PCDHA12: variants seen among roughly 807,000 people sequenced by gnomAD.
The protein encoded by PCDHA12 is protocadherin alpha-12.
Under a neutral mutation model 60.0 loss-of-function variants are expected in PCDHA12, and 44 were observed. The ratio of observed to expected loss-of-function variants is 0.73; its 90% CI spans 0.58 to 0.94. The LOEUF (loss-of-function observed/expected upper bound fraction) is 0.94. Ranked by LOEUF, PCDHA12 falls within the 40% of genes least tolerant of loss-of-function variation. The pLI, the probability that PCDHA12 is intolerant of heterozygous loss-of-function variation, is 0.00. For synonymous variants in PCDHA12, 569 were observed against 553.0 expected, an observed-to-expected ratio of 1.03 and a Z score of -0.40; for missense variants, 1,276 against 1,239.7, an observed-to-expected ratio of 1.03 and a Z score of -0.44.
intron 1 of PCDHA12, among the ~76,000 whole-genome samples, chr5:140,962,736 C>T (rs1233355346): frequency 2.0e-5 from 3 of 152,136 alleles, no homozygotes; most frequent in Non-Finnish European, 4.4e-5. Flanking sequence ...TCTGGGGATG[C>T]ATGAAGATCA....
chr5:140,923,206 A>G (rs2081227659), intron 1 of PCDHA12, among the ~76,000 whole-genome samples: 1 of 152,172 alleles, frequency 6.6e-6, no homozygotes, highest in South Asian at 2.1e-4. Flanking sequence ...TTGGGAGGCT[A>G]AGGTGAAAGG....
chr5:140,967,147 C>A (rs782815903), intron 1 of PCDHA12: 7 of 1,611,068 alleles, frequency 4.3e-6, no homozygotes, highest in South Asian at 2.2e-5. Flanking sequence ...TGGCGCACAA[C>A]CCCGTGGCGG....
Position 140,927,871 on chromosome 5 carries a change from C to T in PCDHA12, c.2367+50032C>T, listed in dbSNP as rs376396178. The T allele has an allele frequency of 5.6e-6, 9 of 1,614,048 alleles. No individual in the cohort carries two copies. In the African/African-American group the frequency reaches 1.2e-4, roughly 22 times the overall value. ...TGGTTTAGCTAGCACCGCTAAACTG[C>T]TGGTGGAGGTGACTGACGTGAACGA... On this transcript the variant is annotated intron_variant, in intron 1 of 3. Coordinates refer to ENST00000398631, the MANE Select transcript of PCDHA12 (RefSeq NM_018903.4).
chr5:140,932,710 C>T (rs2088563538), intron 1 of PCDHA12, among the ~76,000 whole-genome samples: 1 of 151,522 alleles, frequency 6.6e-6, no homozygotes, highest in African/African-American at 2.4e-5. Context: ...ATAGACAACA[C>T]AATAATATTG....
At chr5:140,890,968 T>C (rs559851253) in intron 1 of PCDHA12, among the ~76,000 whole-genome samples, 7 of 152,190 alleles carry the variant, frequency 4.6e-5, no homozygotes, top group African/African-American at 7.2e-5. Flanking sequence ...AGGTTTTGTT[T>C]TTCTGAAAAT....
intron 1 of PCDHA12, chr5:140,881,408 T>A (rs1397596000): frequency 1.1e-6 from 1 of 949,826 alleles, no homozygotes; most frequent in Non-Finnish European, 1.3e-6. Flanking sequence ...ATTAAATCAA[T>A]AGGATATTAG....
At chr5:140,914,654 T>C (rs2076794688) in intron 1 of PCDHA12, among the ~76,000 whole-genome samples, 1 of 152,202 alleles carries the variant, frequency 6.6e-6, no homozygotes, top group Non-Finnish European at 1.5e-5. Flanking sequence ...CTCTCCCTTC[T>C]TTCCATCTTC....
chr5:140,914,815 GACTGCATAAACAAAAAACAAACACACAA>G (rs2076856567), intron 1 of PCDHA12, among the ~76,000 whole-genome samples: 1 of 151,986 alleles, frequency 6.6e-6, no homozygotes, highest in Non-Finnish European at 1.5e-5. Context: ...CAACTTAACA[GACTGCATAAACAAAAAACAAACACACAA>G]AAGGAAGACT....
Position 141,010,492 on chromosome 5 carries a change from C to T in PCDHA12, c.*555C>T. 8.0e-6 allele frequency: 5 copies of T among 628,626 alleles called. No homozygotes were observed. 38.9% of individuals were successfully genotyped at this position (628,626 alleles called of 1,614,324 possible). On this transcript the variant is annotated 3_prime_UTR_variant, in exon 4 of 4. Coordinates refer to ENST00000398631, the MANE Select transcript of PCDHA12 (RefSeq NM_018903.4). ...AGGGGAAGTGTAAACTTAAAGGGAC[C>T]AGACTTTCTAAATCTTACAACTCAA... is the stretch of plus-strand genomic sequence containing the variant.
intron 1 of PCDHA12, chr5:140,927,555 C>G: frequency 6.2e-7 from 1 of 1,614,176 alleles, no homozygotes. Context: ...AAGTCACCAT[C>G]ATTGTGGTGG....
chr5:140,942,429 A>C (rs543442477), intron 1 of PCDHA12, among the ~76,000 whole-genome samples: 1 of 152,226 alleles, frequency 6.6e-6, no homozygotes, highest in Admixed American at 6.5e-5. Context: ...AAAGATATCT[A>C]ACAATAAACA....
chr5:140,943,333 T>C (rs1337058167), intron 1 of PCDHA12, among the ~76,000 whole-genome samples: 1 of 150,974 alleles, frequency 6.6e-6, no homozygotes, highest in East Asian at 1.9e-4. Flanking sequence ...GTAGTATCCA[T>C]TGGACAGGAT....
chr5:140,912,378 T>C (rs1554195314), intron 1 of PCDHA12, among the ~76,000 whole-genome samples: 1 of 152,002 alleles, frequency 6.6e-6, no homozygotes, highest in African/African-American at 2.4e-5. Context: ...GTAAAAGGGA[T>C]TGAGTTCTTA....
chr5:140,966,968 G>C, intron 1 of PCDHA12: 2 of 1,602,616 alleles, frequency 1.2e-6, no homozygotes, highest in Non-Finnish European at 1.7e-6. Context: ...GCTGGGGCTT[G>C]AGCTGCGGCG....
intron 1 of PCDHA12, chr5:140,883,794 C>A (rs781822448): frequency 6.2e-7 from 1 of 1,612,476 alleles, no homozygotes; most frequent in Non-Finnish European, 8.5e-7. Flanking sequence ...AGCTACGTGT[C>A]GGTGCACGCG....
chr5:140,977,712 T>C (rs2153814265), intron 1 of PCDHA12, among the ~76,000 whole-genome samples: 1 of 152,306 alleles, frequency 6.6e-6, no homozygotes, highest in South Asian at 2.1e-4. Context: ...AATATTGAGA[T>C]GGTGATCATT....
chr5:140,884,504 GGGAGTT>G, intron 1 of PCDHA12: 1 of 1,614,180 alleles, frequency 6.2e-7, no homozygotes, highest in Non-Finnish European at 8.5e-7. Context: ...CAGCGCGGCA[GGGAGTT>G]GGTCGTACTC....
At position 140,877,674 on chromosome 5, in the gene PCDHA12, G is replaced by A; in HGVS notation, c.2202G>A (p.Pro734=). 3 of 1,613,628 alleles carry A rather than the reference G, an allele frequency of 1.9e-6. No individual in the cohort carries two copies. Among genetic ancestry groups the A allele is most frequent in the South Asian group, 1.1e-5 (1 of 91,054 alleles). ...SAPPTVSRCA[P]GKPTLVCSSA... is the part of the protein sequence containing the mutation. ...CGCCCACCGTGAGCCGGTGCGCGCC[G>A]GGCAAGCCCACGCTGGTGTGCTCCA... The change falls in exon 1 of 4, where the codon CCG becomes CCA. Residue 734 remains proline, a synonymous_variant. Transcript: ENST00000398631.
chr5:140,980,294 A>G (rs1325974235), intron 2 of PCDHA12, among the ~76,000 whole-genome samples: 1 of 152,234 alleles, frequency 6.6e-6, no homozygotes, highest in Non-Finnish European at 1.5e-5. Context: ...TACCAAAGCT[A>G]TGAGTTGTGC....
Sources: gnomAD v4.1 joint callset for allele counts (sites outside exome capture counted in the v4.1 genomes callset) on GRCh38, gnomAD v4.1.1 for gene constraint, MANE v1.5 for transcripts, NCBI Gene and HGNC (gene_info 2026-07-23, HGNC 2026-07-21) for gene names.